Variants in WDR31 observed in about 807,000 individuals in gnomAD.
WDR31 encodes the protein WD repeat domain 31.
In WDR31, 30 loss-of-function variants were observed where a neutral mutation model predicts 47.3. That is an observed-to-expected ratio of 0.63 (90% CI 0.47 to 0.86). The LOEUF (loss-of-function observed/expected upper bound fraction) is 0.86, where lower values mean the gene tolerates loss of function less well. Ranked by LOEUF, WDR31 falls within the 40% of genes least tolerant of loss-of-function variation. WDR31 has a pLI of 0.00. For missense variants in WDR31, 406 were observed against 442.9 expected (o/e 0.92, Z 0.75); for synonymous variants, 137 against 159.4 (o/e 0.86, Z 1.06).
chr9:113,327,888 G>A (rs908953586), intron 5 of WDR31, among the ~76,000 whole-genome samples: 4 of 152,150 alleles, frequency 2.6e-5, no homozygotes, highest in Non-Finnish European at 5.9e-5. Flanking sequence ...CGAGATGGAG[G>A]TTGCAGTGAG....
At chr9:113,326,699 C>T (rs756508237) in intron 5 of WDR31, among the ~76,000 whole-genome samples, 2 of 152,134 alleles carry the variant, frequency 1.3e-5, no homozygotes, top group African/African-American at 2.4e-5. Context: ...GTCTTGAACT[C>T]CTGAGCTCAA....
chr9:113,333,627 C>T (rs1465128352), intron 2 of WDR31, among the ~76,000 whole-genome samples: 1 of 150,422 alleles, frequency 6.6e-6, no homozygotes, highest in African/African-American at 2.4e-5. Flanking sequence ...ATGATCCACC[C>T]GCCTCGGCCT....
chr9:113,332,074 A>T, intron 2 of WDR31, 24 bp from the exon 3 acceptor site: 1 of 1,513,662 alleles, frequency 6.6e-7, no homozygotes, highest in Non-Finnish European at 9.2e-7. Flanking sequence ...AGAAGAATAC[A>T]TGTTGTTAAT....
chr9:113,322,121 A>G (rs1332429514), intron 7 of WDR31, among the ~76,000 whole-genome samples: 1 of 151,474 alleles, frequency 6.6e-6, no homozygotes, highest in Non-Finnish European at 1.5e-5. Context: ...TTTGACAACC[A>G]CTAAAAGAAC....
chr9:113,318,168 C>T lies in WDR31; in HGVS notation c.943+307G>A, dbSNP rs1833248850. On this transcript the variant is annotated intron_variant, in intron 10 of 10. Coordinates refer to ENST00000374193, the MANE Select transcript of WDR31 (RefSeq NM_001012361.4). ...TTTCATTTTAGTCCTTGAAAGAAGA[C>T]TTGAAAAGTCACAATTCTTGTTCTC... Among the ~76,000 whole-genome samples the T allele has an allele frequency of 2.6e-5, 4 of 152,206 alleles. No individual in the cohort carries two copies. The South Asian group carries it at 8.3e-4, about 32-fold the overall frequency.
At chr9:113,333,899 A>C (rs956041614) in intron 2 of WDR31, among the ~76,000 whole-genome samples, 5 of 152,200 alleles carry the variant, frequency 3.3e-5, no homozygotes, top group African/African-American at 1.2e-4. Context: ...CACATCTCTC[A>C]GTGAGGCCCT....
At chr9:113,329,763 C>G (rs988332112) in intron 4 of WDR31, among the ~76,000 whole-genome samples, 1 of 151,812 alleles carries the variant, frequency 6.6e-6, no homozygotes, top group African/African-American at 2.4e-5. Context: ...CACCTGAGGT[C>G]GGGAGTTCGA....
At chr9:113,324,834 G>A (rs879715672) in intron 5 of WDR31, among the ~76,000 whole-genome samples, 7,818 of 49,718 alleles carry the variant, frequency 0.16, 211 homozygotes, top group African/African-American at 0.2. Context: ...ATATATGTGT[G>A]TGTGTGTGTG....
intron 10 of WDR31, among the ~76,000 whole-genome samples, 190 bp from the exon 11 acceptor site, chr9:113,317,099 G>T (rs1055971358): frequency 4.6e-5 from 7 of 152,218 alleles, no homozygotes; most frequent in Admixed American, 4.6e-4. Context: ...GACTTCAATG[G>T]TAGAGAATGG....
At position 113,317,156 on chromosome 9, in the gene WDR31, T is replaced by C. The variant is rs541750465; in HGVS notation, c.944-247A>G. The stretch of plus-strand genomic sequence containing the variant: ...ATACCATCACCAAGAAGTGTCGGGG[T>C]CTCACCGGCTAAAGACATGTTACAA... On this transcript the variant is annotated intron_variant, in intron 10 of 10. Coordinates refer to ENST00000374193, the MANE Select transcript of WDR31 (RefSeq NM_001012361.4). Among the ~76,000 whole-genome samples the C allele has an allele frequency of 4.0e-5, 6 of 151,708 alleles. No individual in the cohort carries two copies. The South Asian group carries it at 1.3e-3, about 32-fold the overall frequency.
Position 113,323,108 on chromosome 9 carries a change from G to GT in WDR31, c.371dup (p.Asp124GlufsTer85). ...GCAAGTCCCACATCATGACCATCCT[G>GT]TCACGAGAGGCACTGAAGAACTGGC... On this transcript the variant is annotated frameshift_variant, in exon 6 of 11. Transcript: ENST00000374193. LOFTEE classifies it high-confidence loss of function. The GT allele has an allele frequency of 6.2e-7, 1 of 1,614,172 alleles. No individual in the cohort carries two copies. The highest frequency in any genetic ancestry group is 8.5e-7 in the Non-Finnish European group (1 of 1,180,048).
At chr9:113,330,899 G>T (rs1833580791) in intron 4 of WDR31, 85 bp downstream of exon 4, 2 of 1,442,772 alleles carry the variant, frequency 1.4e-6, no homozygotes. Flanking sequence ...CCCTGCTCCA[G>T]AAATGCAAAT....
chr9:113,321,707 G>T, intron 7 of WDR31, 129 bp from the exon 8 acceptor site: 1 of 836,220 alleles, frequency 1.2e-6, no homozygotes. Flanking sequence ...TTCATTTACA[G>T]GCATCTTAGG....
Position 113,316,567 on chromosome 9 carries a change from T to C in WDR31, c.*182A>G, listed in dbSNP as rs1033364529. 6.5e-5 allele frequency: 45 copies of C among 689,244 alleles called. No individual in the cohort carries two copies. The highest frequency in any genetic ancestry group is 4.2e-4 in the Middle Eastern group (1 of 2,386). The allele number at this position is 689,244 out of a possible 1,614,324, so 42.7% of individuals were successfully genotyped here. On this transcript the variant is annotated 3_prime_UTR_variant, in exon 11 of 11. Transcript: ENST00000374193. ...GTGTAGTCCATGTTTCTGGACTCTA[T>C]ACCTGATTTTGAATCACTGGACTTA...
chr9:113,315,234 C>G lies in WDR31; in HGVS notation c.*1515G>C, dbSNP rs12338029. The G allele has an allele frequency of 0.12, 18,591 of 151,820 alleles. 1,236 individuals carry two copies. The highest frequency in any genetic ancestry group is 0.18 in the South Asian group (861 of 4,788). The allele number at this position is 151,820 out of a possible 1,614,324, so 9.4% of individuals were successfully genotyped here. On this transcript the variant is annotated 3_prime_UTR_variant, in exon 11 of 11. Coordinates refer to ENST00000374193, the MANE Select transcript of WDR31 (RefSeq NM_001012361.4). ...ATTAGCCAGGTGTGGTGGTGCATGC[C>G]TGCAGTCCCAGCTACTCAGGAGGCT...
At chr9:113,330,343 C>T (rs1423093942) in intron 4 of WDR31, among the ~76,000 whole-genome samples, 1 of 152,164 alleles carries the variant, frequency 6.6e-6, no homozygotes, top group Non-Finnish European at 1.5e-5. Context: ...TCAAGTGATC[C>T]GCCTGCCTTG....
At chr9:113,334,840 T>C (rs536253207) in intron 2 of WDR31, among the ~76,000 whole-genome samples, 1 of 151,500 alleles carries the variant, frequency 6.6e-6, no homozygotes, top group East Asian at 2.0e-4. Flanking sequence ...ATTACAGGCA[T>C]GAGCCACCGC....
At chr9:113,324,826 A>ATG (rs1290289416) in intron 5 of WDR31, among the ~76,000 whole-genome samples, 134 of 109,346 alleles carry the variant, frequency 1.2e-3, no homozygotes, top group South Asian at 3.2e-3. Context: ...CTATATATAT[A>ATG]TATGTGTGTG....
At chr9:113,317,046 G>A in intron 10 of WDR31, 137 bp from the exon 11 acceptor site, 2 of 1,079,332 alleles carry the variant, frequency 1.9e-6, no homozygotes, top group Non-Finnish European at 1.3e-6. Flanking sequence ...CACTTCTTCA[G>A]AGGAAAGCAT....
Sources: allele counts gnomAD v4.1 joint callset (sites outside exome capture counted in the v4.1 genomes callset), GRCh38; gene constraint gnomAD v4.1.1; transcripts MANE v1.5; gene names NCBI Gene and HGNC (gene_info 2026-07-23, HGNC 2026-07-21).